The following RUFY4 variants were observed in gnomAD, a reference collection of about 807,000 sequenced individuals.
RUFY4 encodes the protein RUN and FYVE domain-containing protein 4.
RUFY4 carries 73 observed loss-of-function variants against 69.0 expected under a neutral mutation model. The observed-to-expected ratio is 1.06, with a 90% CI of 0.88 to 1.29. The LOEUF (loss-of-function observed/expected upper bound fraction) is 1.29, where lower values mean the gene tolerates loss of function less well. Among genes scored for constraint, RUFY4 ranks in the 50% most tolerant of loss-of-function variants. RUFY4 has a pLI of 0.00. For synonymous variants in RUFY4, 287 were observed against 271.8 expected (o/e 1.06, Z -0.55); for missense variants, 770 against 705.6 (o/e 1.09, Z -1.03).
chr2:218,068,969 C>T (rs1204992502), upstream of RUFY4: 1 of 152,466 alleles, frequency 6.6e-6, no homozygotes, highest in South Asian at 2.1e-4. Context: ...CTCCCTCTGC[C>T]CCCTGGTGGT....
At chr2:218,083,585 T>TA in intron 9 of RUFY4, among the ~76,000 whole-genome samples, 1 of 151,966 alleles carries the variant, frequency 6.6e-6, no homozygotes, top group Admixed American at 6.5e-5. Context: ...CCATCTATAC[T>TA]AAAAATACAA....
chr2:218,052,785 A>T, intron 2 of RUFY4, among the ~76,000 whole-genome samples: 1 of 149,082 alleles, frequency 6.7e-6, no homozygotes, highest in African/African-American at 2.5e-5. Flanking sequence ...TGCTGTTAAT[A>T]TTAATAAACT....
chr2:218,076,016 C>T (rs1574512839), intron 7 of RUFY4, among the ~76,000 whole-genome samples: 1 of 152,310 alleles, frequency 6.6e-6, no homozygotes, highest in East Asian at 1.9e-4. Flanking sequence ...CCCTTCCCAG[C>T]AGTTCTTCCA....
intron 3 of RUFY4, chr2:218,060,333 G>C (rs759907052): frequency 4.5e-5 from 69 of 1,522,616 alleles, no homozygotes; most frequent in Non-Finnish European, 5.7e-5. Flanking sequence ...ACTTAGGCAA[G>C]AGGTCTTAGA....
intron 2 of RUFY4, among the ~76,000 whole-genome samples, chr2:218,037,967 A>C (rs1018915596): frequency 6.6e-6 from 1 of 152,258 alleles, no homozygotes; most frequent in African/African-American, 2.4e-5. Context: ...TGGCAAACAA[A>C]ATATTTAAAG....
At chr2:218,068,045 T>A (rs1376539681), upstream of RUFY4, among the ~76,000 whole-genome samples, 1 of 104,250 alleles carries the variant, frequency 9.6e-6, no homozygotes, top group African/African-American at 3.1e-5. Flanking sequence ...CCAGGCAGAG[T>A]GGTTCCCTGG....
At chr2:218,083,080 C>T in intron 8 of RUFY4, 30 bp from the exon 11 acceptor site, 1 of 1,567,550 alleles carries the variant, frequency 6.4e-7, no homozygotes, top group Non-Finnish European at 8.6e-7. Flanking sequence ...GCTTTGCCCC[C>T]TGAGAACCTA....
At chr2:218,044,507 G>T (rs1688781116) in intron 2 of RUFY4, among the ~76,000 whole-genome samples, 1 of 152,068 alleles carries the variant, frequency 6.6e-6, no homozygotes, top group Non-Finnish European at 1.5e-5. Flanking sequence ...TGTCATGGGG[G>T]TTTGTTGTAC....
intron 2 of RUFY4, among the ~76,000 whole-genome samples, chr2:218,053,958 A>C (rs1689004495): frequency 6.6e-6 from 1 of 152,210 alleles, no homozygotes; most frequent in African/African-American, 2.4e-5. Context: ...ACATCTTTTA[A>C]GTTATATTCA....
chr2:218,063,931 C>T (rs963334083), intron 3 of RUFY4, among the ~76,000 whole-genome samples: 13 of 152,286 alleles, frequency 8.5e-5, no homozygotes, highest in South Asian at 6.2e-4. Context: ...TTTCTGACCC[C>T]TCTTGATACC....
At chr2:218,052,859 T>C (rs1181595612) in intron 2 of RUFY4, among the ~76,000 whole-genome samples, 2 of 151,738 alleles carry the variant, frequency 1.3e-5, no homozygotes, top group Admixed American at 6.6e-5. Context: ...CTCTCAGCTA[T>C]GTAACATTTT....
chr2:218,075,035 G>A (rs550277106), intron 6 of RUFY4, 58 bp from the exon 9 acceptor site: 1 of 1,454,490 alleles, frequency 6.9e-7, no homozygotes, highest in South Asian at 1.5e-5. Context: ...TAATCTAATG[G>A]CACCAGGTCA....
rs1408475690 is a variant in RUFY4, at chr2:218,040,080, T to C, written c.-1158+4686T>C. On this transcript the variant is annotated intron_variant and NMD_transcript_variant, in intron 2 of 13. Transcript: ENST00000457754. ...GACAGTTGCAAGCTTTCACAGGTGATCTACCAGGGAATTTAGGAATAAACA... is the reference window on the plus strand; with the variant it reads ...GACAGTTGCAAGCTTTCACAGGTGACCTACCAGGGAATTTAGGAATAAACA... Among the ~76,000 whole-genome samples the C allele has an allele frequency of 2.0e-5, 3 of 152,164 alleles. 1 individual carries two copies. Among genetic ancestry groups the C allele is most frequent in the East Asian group, 3.9e-4 (2 of 5,188 alleles).
intron 2 of RUFY4, among the ~76,000 whole-genome samples, chr2:218,041,476 T>G (rs559121927): frequency 6.6e-5 from 10 of 152,302 alleles, no homozygotes; most frequent in African/African-American, 2.4e-4. Context: ...AAAGAGTTTA[T>G]TTGAGCAAAC....
intron 2 of RUFY4, among the ~76,000 whole-genome samples, chr2:218,037,508 A>G (rs540016346): frequency 6.6e-6 from 1 of 152,346 alleles, no homozygotes; most frequent in South Asian, 2.1e-4. Context: ...AGCCTGACTA[A>G]TTAAATAAAT....
intron 8 of RUFY4, among the ~76,000 whole-genome samples, chr2:218,076,990 T>C (rs1301128112): frequency 3.3e-5 from 5 of 152,220 alleles, no homozygotes; most frequent in Non-Finnish European, 7.3e-5. Flanking sequence ...ACAGCTATCA[T>C]TTACTAAGCA....
intron 4 of RUFY4, 148 bp from the exon 7 acceptor site, chr2:218,073,095 A>T (rs1193193129): frequency 8.0e-6 from 9 of 1,124,242 alleles, no homozygotes; most frequent in Non-Finnish European, 1.1e-5. Context: ...CCTGCTCCTG[A>T]AGGGCCACAA....
chr2:218,068,137 G>GGAGGAGGGCAGGGGGTTA (rs1689389103), upstream of RUFY4, among the ~76,000 whole-genome samples: 27 of 133,610 alleles, frequency 2.0e-4, no homozygotes, highest in Admixed American at 3.1e-4. Context: ...GCAGGGGACT[G>GGAGGAGGGCAGGGGGTTA]GAGGAGGGCA....
intron 2 of RUFY4, among the ~76,000 whole-genome samples, chr2:218,041,535 C>A (rs1044587749): frequency 6.6e-6 from 1 of 151,906 alleles, no homozygotes; most frequent in Non-Finnish European, 1.5e-5. Flanking sequence ...TTCAGGAGCT[C>A]CACTGAGGGA....
Sources: allele counts gnomAD v4.1 joint callset (sites outside exome capture counted in the v4.1 genomes callset), GRCh38; gene constraint gnomAD v4.1.1; transcripts MANE v1.5; gene names NCBI Gene and HGNC (gene_info 2026-07-23, HGNC 2026-07-21).